CYP7B1: variants seen among roughly 807,000 people sequenced by gnomAD.
The protein encoded by CYP7B1 is cytochrome P450 family 7 subfamily B member 1, also known as cytochrome P450 7B1.
A neutral mutation model predicts 42.7 loss-of-function variants in CYP7B1; 29 were observed. The observed-to-expected ratio is 0.68, with a 90% CI of 0.51 to 0.93. The LOEUF (loss-of-function observed/expected upper bound fraction) is 0.93. Among genes scored for constraint, CYP7B1 ranks in the 40% least tolerant of loss-of-function variants. CYP7B1 has a pLI of 0.00. For synonymous variants in CYP7B1, 235 were observed against 218.2 expected (o/e 1.08, Z -0.68); for missense variants, 655 against 600.5 (o/e 1.09, Z -0.95).
At chr8:64,774,734 C>A (rs1804294527) in intron 1 of CYP7B1, among the ~76,000 whole-genome samples, 1 of 152,124 alleles carries the variant, frequency 6.6e-6, no homozygotes, top group South Asian at 2.1e-4. Flanking sequence ...TTTCCCATTG[C>A]AGGAGTTCAA....
chr8:64,608,842 A>G (rs1805324444), intron 4 of CYP7B1, among the ~76,000 whole-genome samples: 1 of 152,254 alleles, frequency 6.6e-6, no homozygotes, highest in South Asian at 2.1e-4. Context: ...ACAATTGTAC[A>G]TCTTAAGTAA....
At chr8:64,708,828 T>G (rs562659996) in intron 1 of CYP7B1, among the ~76,000 whole-genome samples, 1 of 152,188 alleles carries the variant, frequency 6.6e-6, no homozygotes, top group Non-Finnish European at 1.5e-5. Context: ...AATATTTACA[T>G]AGGCTTGAAG....
intron 1 of CYP7B1, among the ~76,000 whole-genome samples, chr8:64,629,976 A>G (rs1215531691): frequency 1.3e-5 from 2 of 152,160 alleles, no homozygotes; most frequent in East Asian, 1.9e-4. Context: ...CAAGGCCACA[A>G]TGTATTGCTC....
intron 1 of CYP7B1, among the ~76,000 whole-genome samples, chr8:64,731,472 T>C (rs537533712): frequency 2.6e-5 from 4 of 152,272 alleles, no homozygotes; most frequent in African/African-American, 7.2e-5. Flanking sequence ...ATTTAGGGTA[T>C]CTGGCAGAAG....
chr8:64,598,928 A>ATTT (rs1230449414), intron 5 of CYP7B1, among the ~76,000 whole-genome samples: 2 of 152,208 alleles, frequency 1.3e-5, no homozygotes, highest in African/African-American at 4.8e-5. Context: ...GCATAAATAT[A>ATTT]TTTTTAGTTA....
At chr8:64,660,479 G>C (rs570619072) in intron 1 of CYP7B1, among the ~76,000 whole-genome samples, 5 of 152,262 alleles carry the variant, frequency 3.3e-5, no homozygotes, top group East Asian at 1.9e-4. Flanking sequence ...AGTCTCACTT[G>C]AAGGCTTGAC....
chr8:64,740,290 G>C (rs941041724), intron 1 of CYP7B1, among the ~76,000 whole-genome samples: 3 of 151,830 alleles, frequency 2.0e-5, no homozygotes, highest in African/African-American at 7.3e-5. Context: ...CCACATATTT[G>C]CGAATTAAAC....
In CYP7B1 at chr8:64,596,240, T is replaced by C. The variant is rs189470710; in HGVS notation, c.*402A>G. ...TGAGAATTTGGAATTTGTTAGACTG[T>C]GTCCATTTCCAGCACAATTTTCTAG... On this transcript the variant is annotated 3_prime_UTR_variant, in exon 6 of 6. Coordinates refer to ENST00000310193, the MANE Select transcript of CYP7B1 (RefSeq NM_004820.5). The C allele has an allele frequency of 5.8e-6, 1 of 173,768 alleles. No homozygotes were observed. Among genetic ancestry groups the C allele is most frequent in the African/African-American group, 2.4e-5 (1 of 41,748 alleles). The allele number at this position is 173,768 out of a possible 1,614,324, so 10.8% of individuals were successfully genotyped here.
At chr8:64,607,404 A>G (rs1354932562) in intron 4 of CYP7B1, among the ~76,000 whole-genome samples, 1 of 152,076 alleles carries the variant, frequency 6.6e-6, no homozygotes. Context: ...GAATTAAAAA[A>G]AAAAAAAAAA....
At chr8:64,648,975 T>A (rs556128962) in intron 1 of CYP7B1, among the ~76,000 whole-genome samples, 3 of 152,302 alleles carry the variant, frequency 2.0e-5, no homozygotes, top group East Asian at 1.9e-4. Context: ...TGTGCATTTT[T>A]AAAAAATCAT....
chr8:64,789,945 C>T (rs1270257885), intron 1 of CYP7B1, among the ~76,000 whole-genome samples: 2 of 152,204 alleles, frequency 1.3e-5, no homozygotes, highest in Admixed American at 1.3e-4. Context: ...CCTGACATTT[C>T]TCAGATTATC....
chr8:64,662,379 GT>G (rs1806212890), intron 1 of CYP7B1, among the ~76,000 whole-genome samples: 1 of 152,116 alleles, frequency 6.6e-6, no homozygotes, highest in Non-Finnish European at 1.5e-5. Context: ...ATTAAGAAGT[GT>G]TGGTAGATTG....
At chr8:64,777,220 G>A (rs1262700361) in intron 1 of CYP7B1, among the ~76,000 whole-genome samples, 1 of 150,948 alleles carries the variant, frequency 6.6e-6, no homozygotes, top group Admixed American at 6.6e-5. Context: ...AATACAAAAG[G>A]TGAGTAAGCA....
At chr8:64,711,199 T>C (rs1807074011) in intron 1 of CYP7B1, among the ~76,000 whole-genome samples, 1 of 152,182 alleles carries the variant, frequency 6.6e-6, no homozygotes, top group Non-Finnish European at 1.5e-5. Flanking sequence ...ACTCTAATGA[T>C]AGTGGTCATA....
At chr8:64,677,780 T>A (rs1806473587) in intron 1 of CYP7B1, among the ~76,000 whole-genome samples, 1 of 132,904 alleles carries the variant, frequency 7.5e-6, no homozygotes, top group African/African-American at 2.8e-5. Context: ...AAATATAAAA[T>A]CTGGTCTGCT....
chr8:64,654,212 A>G (rs1233466950), intron 1 of CYP7B1, among the ~76,000 whole-genome samples: 1 of 152,186 alleles, frequency 6.6e-6, no homozygotes, highest in African/African-American at 2.4e-5. Context: ...ATCCAAGTAG[A>G]AAGAGAAGAA....
intron 1 of CYP7B1, among the ~76,000 whole-genome samples, chr8:64,706,650 C>A (rs34562034): frequency 0.18 from 27,691 of 151,796 alleles, 2,741 homozygotes; most frequent in African/African-American, 0.24. Context: ...CATTTCATCC[C>A]TTATTAAAAA....
At chr8:64,790,819 T>G (rs1462746907) in intron 1 of CYP7B1, among the ~76,000 whole-genome samples, 1 of 152,184 alleles carries the variant, frequency 6.6e-6, no homozygotes, top group Admixed American at 6.5e-5. Flanking sequence ...AATCCTAACC[T>G]CTAGTACCTC....
At chr8:64,597,532 GT>G (rs1462526426) in intron 5 of CYP7B1, among the ~76,000 whole-genome samples, 1 of 152,194 alleles carries the variant, frequency 6.6e-6, no homozygotes, top group Non-Finnish European at 1.5e-5. Context: ...GTTTTTTGAT[GT>G]TGTAGTTAAT....
Sources: allele counts gnomAD v4.1 joint callset (sites outside exome capture counted in the v4.1 genomes callset), GRCh38; gene constraint gnomAD v4.1.1; transcripts MANE v1.5; gene names NCBI Gene and HGNC (gene_info 2026-07-23, HGNC 2026-07-21).